The following MOCS2 variants were observed in gnomAD, a reference collection of about 807,000 sequenced individuals.
The protein encoded by MOCS2 is molybdenum cofactor synthesis 2, also known as molybdopterin synthase catalytic subunit.
In MOCS2, 13 loss-of-function variants were observed where a neutral mutation model predicts 21.9. That is an observed-to-expected ratio of 0.59 (90% CI 0.39 to 0.94). MOCS2 has a LOEUF of 0.94. MOCS2 is among the 40% of genes least tolerant of loss of function. The probability of loss-of-function intolerance (pLI) is 0.00; values close to 1 mark genes in which losing one functional copy is unlikely to be tolerated. For missense variants in MOCS2, 227 were observed against 218.3 expected, an observed-to-expected ratio of 1.04 and a Z score of -0.25; for synonymous variants, 92 against 80.8, an observed-to-expected ratio of 1.14 and a Z score of -0.74.
At chr5:53,107,027 T>A in intron 3 of MOCS2, 50 bp downstream of exon 3, 2 of 1,603,798 alleles carry the variant, frequency 1.2e-6, no homozygotes, top group Non-Finnish European at 1.7e-6. Flanking sequence ...CTTTATCATC[T>A]GTATGATCCT....
chr5:53,098,588 A>G lies in MOCS2; in HGVS notation c.*14T>C, dbSNP rs748585938. ...TAACAAAGTTAAGATTGCATGCTCT[A>G]AAAACATAAGTGATTAACTGTTGGA... On this transcript the variant is annotated 3_prime_UTR_variant, in exon 7 of 7. Transcript: ENST00000396954. The G allele has an allele frequency of 1.7e-5, 27 of 1,608,876 alleles. No homozygotes were observed. The highest frequency in any genetic ancestry group is 2.7e-5 in the African/African-American group (2 of 74,930).
In MOCS2 at chr5:53,096,333, AGAT is replaced by A. The variant is rs1178964494; in HGVS notation, c.*2266_*2268del. ...AATATCTGCTGTTACTTTCATTCAA[AGAT>A]GATAAAAATCAATTTCATTTTACCA... On this transcript the variant is annotated 3_prime_UTR_variant, in exon 7 of 7. Coordinates refer to ENST00000396954, the MANE Select transcript of MOCS2 (RefSeq NM_004531.5). The A allele has an allele frequency of 3.9e-5, 6 of 152,366 alleles. No individual in the cohort carries two copies. Among genetic ancestry groups the A allele is most frequent in the East Asian group, 3.8e-4 (2 of 5,196 alleles). 9.4% of individuals were successfully genotyped at this position (152,366 alleles called of 1,614,324 possible). A position where few individuals can be genotyped will look rare whatever the true frequency, so the allele number is the denominator to read the frequency against.
At position 53,096,268 on chromosome 5, in the gene MOCS2, T is replaced by C. The variant is rs962807014; in HGVS notation, c.*2334A>G. The C allele has an allele frequency of 3.3e-5, 5 of 152,180 alleles. No individual in the cohort carries two copies. The highest frequency in any genetic ancestry group is 4.8e-5 in the African/African-American group (2 of 41,442). 9.4% of individuals were successfully genotyped at this position (152,180 alleles called of 1,614,324 possible). ...ATATATTGTGACTCTATACATCATA[T>C]CCAAAGGACAAAAATGTCCACAAAA... On this transcript the variant is annotated 3_prime_UTR_variant, in exon 7 of 7. Coordinates refer to ENST00000396954, the MANE Select transcript of MOCS2 (RefSeq NM_004531.5).
intron 6 of MOCS2, 45 bp downstream of exon 6, chr5:53,100,366 A>G: frequency 6.2e-7 from 1 of 1,611,386 alleles, no homozygotes; most frequent in Non-Finnish European, 8.5e-7. Flanking sequence ...AATTCCTGAG[A>G]AAAATCAGGT....
intron 6 of MOCS2, 29 bp from the exon 7 acceptor site, chr5:53,098,696 A>C (rs992974563): frequency 1.4e-6 from 2 of 1,418,550 alleles, no homozygotes. Flanking sequence ...ACAGGTATTA[A>C]AAATAGACCA....
intron 2 of MOCS2, among the ~76,000 whole-genome samples, 175 bp downstream of exon 2, chr5:53,108,347 T>C (rs1235484380): frequency 2.0e-5 from 3 of 152,230 alleles, no homozygotes. Flanking sequence ...ATCTTTAACC[T>C]TTCTTAAAAT....
At chr5:53,106,716 A>G (rs566820768) in intron 3 of MOCS2, among the ~76,000 whole-genome samples, 1 of 152,326 alleles carries the variant, frequency 6.6e-6, no homozygotes. Flanking sequence ...CTTATTAGCT[A>G]TGTGATTAGC....
intron 5 of MOCS2, chr5:53,100,844 C>A: frequency 8.1e-6 from 3 of 370,910 alleles, no homozygotes; most frequent in South Asian, 2.7e-5. Flanking sequence ...CCAAGTAATG[C>A]CTAGAAATAC....
At position 53,109,703 on chromosome 5, in the gene MOCS2, C is replaced by T. The variant is rs373522800; in HGVS notation, c.-622G>A. 2.5e-4 allele frequency: 385 copies of T among 1,553,318 alleles called. 1 individual carries two copies. Among genetic ancestry groups the T allele is most frequent in the Admixed American group, 9.3e-4 (48 of 51,636 alleles). On this transcript the variant is annotated 5_prime_UTR_variant, in exon 1 of 7. Transcript: ENST00000396954. ...CACCCAGGCCCGCACGCACACCCGC[C>T]ACCCTTACCTGGCACAGCGGCACCA...
In MOCS2 at chr5:53,097,501, T is replaced by C. The variant is rs1398513651; in HGVS notation, c.*1101A>G. The stretch of plus-strand genomic sequence containing the variant: ...TCTAAGTGTCTGAAAGTATAGCTTT[T>C]GTTCTTAATATGCATAATGCAAATT... On this transcript the variant is annotated 3_prime_UTR_variant, in exon 7 of 7. Coordinates refer to ENST00000396954, the MANE Select transcript of MOCS2 (RefSeq NM_004531.5). 2.0e-5 allele frequency: 3 copies of C among 152,220 alleles called. No homozygotes were observed. The highest frequency in any genetic ancestry group is 7.2e-5 in the African/African-American group (3 of 41,466). 9.4% of individuals were successfully genotyped at this position (152,220 alleles called of 1,614,324 possible). A position where few individuals can be genotyped will look rare whatever the true frequency, so the allele number is the denominator to read the frequency against.
rs189545330 is a variant in MOCS2, at chr5:53,100,860, T to C, written c.378-326A>G. The C allele has an allele frequency of 1.1e-5, 4 of 364,644 alleles. No homozygotes were observed. The East Asian group carries it at 2.6e-4, about 24-fold the overall frequency. The allele number at this position is 364,644 out of a possible 1,614,324, so 22.6% of individuals were successfully genotyped here. On this transcript the variant is annotated intron_variant, in intron 5 of 6. Coordinates refer to ENST00000396954, the MANE Select transcript of MOCS2 (RefSeq NM_004531.5). ...CAAGTAATGCCTAGAAATACAAAGTTATGTCCTAACGAGTATAATACAAAA... is the reference window on the plus strand; with the variant it reads ...CAAGTAATGCCTAGAAATACAAAGTCATGTCCTAACGAGTATAATACAAAA...
In MOCS2 at chr5:53,098,296, C is replaced by T. The variant is rs574111326; in HGVS notation, c.*306G>A. 66 of 381,532 alleles carry T rather than the reference C, an allele frequency of 1.7e-4. No homozygotes were observed. In the East Asian group the frequency reaches 3.6e-3, roughly 21 times the overall value. The allele number at this position is 381,532 out of a possible 1,614,324, so 23.6% of individuals were successfully genotyped here. ...TTAAAGTCACTGAGGAGGGCCCATACCTCAATGTGTGTTGAGTTACAATTA... is the reference window on the plus strand; with the variant it reads ...TTAAAGTCACTGAGGAGGGCCCATATCTCAATGTGTGTTGAGTTACAATTA... On this transcript the variant is annotated 3_prime_UTR_variant, in exon 7 of 7. Transcript: ENST00000396954.
intron 3 of MOCS2, 83 bp from the exon 4 acceptor site, chr5:53,102,307 T>A: frequency 1.5e-6 from 2 of 1,333,650 alleles, no homozygotes; most frequent in Non-Finnish European, 2.1e-6. Flanking sequence ...CAATTTATAT[T>A]TTTTTCTACA....
In MOCS2 at chr5:53,109,650, C is replaced by T. The variant is rs1666113656; in HGVS notation, c.-569G>A. 7.8e-6 allele frequency: 12 copies of T among 1,547,580 alleles called. No homozygotes were observed. The highest frequency in any genetic ancestry group is 1.0e-5 in the Non-Finnish European group (12 of 1,145,690). On this transcript the variant is annotated 5_prime_UTR_variant, in exon 1 of 7. Transcript: ENST00000396954. Reference sequence around the variant, plus strand: ...AGGCTGGGTATGTGGAGGGAAAGGGCGGGAGAGACACGTCGAGGAGGGCTC... The same window carrying T: ...AGGCTGGGTATGTGGAGGGAAAGGGTGGGAGAGACACGTCGAGGAGGGCTC...
chr5:53,105,049 C>G (rs1741013464), intron 3 of MOCS2, among the ~76,000 whole-genome samples: 1 of 152,118 alleles, frequency 6.6e-6, no homozygotes, highest in Admixed American at 6.5e-5. Context: ...GACAAGGTAG[C>G]ATGGGTCAAA....
Position 53,101,529 on chromosome 5 carries a change from G to A in MOCS2, c.227-20C>T, listed in dbSNP as rs766751106. 1 of 1,531,050 alleles carries A rather than the reference G, an allele frequency of 6.5e-7. No homozygotes were observed. The allele number at this position is 1,531,050 out of a possible 1,614,324, so 94.8% of individuals were successfully genotyped here. ...TAGTCCCTTTAAAAATGAAAAAAAA[G>A]AAAAAGAAAACAATTAAAATAAGGT... On this transcript the variant is annotated intron_variant, in intron 4 of 6. Transcript: ENST00000396954.
intron 6 of MOCS2, among the ~76,000 whole-genome samples, chr5:53,099,770 T>C (rs1209922295): frequency 1.3e-5 from 2 of 151,822 alleles, no homozygotes; most frequent in African/African-American, 2.4e-5. Context: ...CACAACGCTG[T>C]AGGCAATTCT....
Position 53,102,216 on chromosome 5 carries a change from A to AT in MOCS2, c.106dup (p.Met36AsnfsTer3), listed in dbSNP as rs771817169. On this transcript the variant is annotated frameshift_variant, in exon 4 of 7. Transcript: ENST00000396954. LOFTEE classifies it high-confidence loss of function. Reference sequence around the variant, plus strand: ...TTTAGATTTCTCTTCAACTTCATCCATATCTTTCCTAGAAATAATACATTA... The same window carrying AT: ...TTTAGATTTCTCTTCAACTTCATCCATTATCTTTCCTAGAAATAATACATTA... The AT allele has an allele frequency of 6.2e-7, 1 of 1,612,044 alleles. No individual in the cohort carries two copies. The highest frequency in any genetic ancestry group is 1.1e-5 in the South Asian group (1 of 90,964).
At chr5:53,102,289 G>C in intron 3 of MOCS2, 65 bp from the exon 4 acceptor site, 1 of 1,444,632 alleles carries the variant, frequency 6.9e-7, no homozygotes, top group Non-Finnish European at 9.6e-7. Context: ...ACAACTTATA[G>C]GCTCTTTCAA....
Sources: allele counts gnomAD v4.1 joint callset (sites outside exome capture counted in the v4.1 genomes callset), GRCh38; gene constraint gnomAD v4.1.1; transcripts MANE v1.5; gene names NCBI Gene and HGNC (gene_info 2026-07-23, HGNC 2026-07-21).